Variants in PTPRK observed in about 807,000 individuals in gnomAD.
PTPRK encodes the protein protein tyrosine phosphatase receptor type K.
A neutral mutation model predicts 178.0 loss-of-function variants in PTPRK; 75 were observed. That is an observed-to-expected ratio of 0.42 (90% CI 0.35 to 0.51). The LOEUF (loss-of-function observed/expected upper bound fraction) is 0.51, where lower values mean the gene tolerates loss of function less well. PTPRK is among the 20% of genes least tolerant of loss of function. PTPRK has a pLI of 0.02. For missense variants in PTPRK, 1,441 were observed against 1,797.8 expected, an observed-to-expected ratio of 0.80 and a Z score of 3.59; for synonymous variants, 637 against 620.6, an observed-to-expected ratio of 1.03 and a Z score of -0.39.
chr6:128,129,164 A>G (rs1029417502), intron 7 of PTPRK, among the ~76,000 whole-genome samples: 13 of 152,152 alleles, frequency 8.5e-5, no homozygotes, highest in African/African-American at 3.1e-4. Flanking sequence ...TTGGCTTGTA[A>G]TTCTGACTAC....
At chr6:128,048,467 T>C (rs921501539) in intron 13 of PTPRK, among the ~76,000 whole-genome samples, 1 of 152,234 alleles carries the variant, frequency 6.6e-6, no homozygotes, top group Admixed American at 6.5e-5. Flanking sequence ...ACATGGGTGA[T>C]GCCCTCATTC....
At chr6:128,324,985 A>C (rs1481294474) in intron 2 of PTPRK, among the ~76,000 whole-genome samples, 2 of 152,208 alleles carry the variant, frequency 1.3e-5, no homozygotes, top group African/African-American at 4.8e-5. Context: ...GTTATAATTT[A>C]AGCTTATTTA....
At chr6:128,455,519 G>C (rs766636392) in intron 1 of PTPRK, among the ~76,000 whole-genome samples, 1 of 152,080 alleles carries the variant, frequency 6.6e-6, no homozygotes, top group Non-Finnish European at 1.5e-5. Context: ...CTTCAGAAAT[G>C]ATCTATCAAT....
intron 1 of PTPRK, among the ~76,000 whole-genome samples, chr6:128,462,967 G>A (rs1849273514): frequency 6.6e-6 from 1 of 151,946 alleles, no homozygotes; most frequent in African/African-American, 2.4e-5. Context: ...TCAAAAATAG[G>A]TAAATTTTAA....
chr6:128,376,518 G>A (rs1837095197), intron 2 of PTPRK, among the ~76,000 whole-genome samples: 1 of 152,118 alleles, frequency 6.6e-6, no homozygotes, highest in South Asian at 2.1e-4. Flanking sequence ...AGCCTGTGAT[G>A]GGAGGGGCTG....
At position 128,478,654 on chromosome 6, in the gene PTPRK, C is replaced by T. The variant is rs562137988; in HGVS notation, c.100+41605G>A. Among the ~76,000 whole-genome samples the T allele has an allele frequency of 4.6e-5, 7 of 152,102 alleles. No homozygotes were observed. In the East Asian group the frequency reaches 7.7e-4, roughly 17 times the overall value. ...TGTTTTTTAGCAAAAGTAAAGATGACGATGCCTTGGGTGTTTGCTATTCAG... is the reference window on the plus strand; with the variant it reads ...TGTTTTTTAGCAAAAGTAAAGATGATGATGCCTTGGGTGTTTGCTATTCAG... On this transcript the variant is annotated intron_variant, in intron 1 of 29. Coordinates refer to ENST00000368226, the MANE Select transcript of PTPRK (RefSeq NM_002844.4).
At chr6:128,011,487 C>T (rs1779047697) in intron 13 of PTPRK, among the ~76,000 whole-genome samples, 1 of 151,016 alleles carries the variant, frequency 6.6e-6, no homozygotes, top group Non-Finnish European at 1.5e-5. Context: ...TTATGAGTCG[C>T]ATATGCTACA....
In PTPRK at chr6:128,005,125, A is replaced by G. The variant is rs776256048; in HGVS notation, c.2453T>C (p.Leu818Pro). 7.6e-5 allele frequency: 123 copies of G among 1,610,678 alleles called. No individual in the cohort carries two copies. Among genetic ancestry groups the G allele is most frequent in the Non-Finnish European group, 1.0e-4 (120 of 1,178,030 alleles). ...ATGTTGGTCCATGAAGGTGATGGAAAGAGGATCTTCTGCATGCAGAGTGCT... is the reference window on the plus strand; with the variant it reads ...ATGTTGGTCCATGAAGGTGATGGAAGGAGGATCTTCTGCATGCAGAGTGCT... ...DQSTLHAEDP[L>P]SITFMDQHNF... The change falls in exon 15 of 30, where the codon CTT becomes CCT. Residue 818 changes from leucine (L) to proline (P), a missense_variant. Around this residue, in one of 4 missense-constraint regions of PTPRK, gnomAD observed 945 missense variants for 1,080.6 expected, o/e 0.87. Transcript: ENST00000368226.
chr6:128,242,483 A>G, intron 4 of PTPRK, 38 bp downstream of exon 4: 1 of 1,598,258 alleles, frequency 6.3e-7, no homozygotes. Flanking sequence ...CAAGTGTGGA[A>G]AGGACATAGA....
chr6:128,403,491 C>G (rs1841283761), intron 1 of PTPRK, among the ~76,000 whole-genome samples: 1 of 152,090 alleles, frequency 6.6e-6, no homozygotes, highest in Admixed American at 6.6e-5. Flanking sequence ...TCAATTTCCT[C>G]CCCAGTACGA....
intron 11 of PTPRK, among the ~76,000 whole-genome samples, chr6:128,073,975 C>T (rs186394731): frequency 6.6e-6 from 1 of 152,086 alleles, no homozygotes; most frequent in East Asian, 1.9e-4. Flanking sequence ...ATGAAACAGA[C>T]TATTCTGCAG....
At chr6:128,227,514 A>C (rs897989060) in intron 5 of PTPRK, among the ~76,000 whole-genome samples, 2 of 152,368 alleles carry the variant, frequency 1.3e-5, no homozygotes, top group African/African-American at 2.4e-5. Flanking sequence ...AAAGCAACAG[A>C]AGAGGGAAAT....
At chr6:128,315,758 T>G (rs1827910653) in intron 3 of PTPRK, among the ~76,000 whole-genome samples, 1 of 152,196 alleles carries the variant, frequency 6.6e-6, no homozygotes, top group Admixed American at 6.5e-5. Context: ...AAAAATGTAT[T>G]TGTTTTCTAA....
chr6:128,111,101 A>G (rs959589817), intron 7 of PTPRK, among the ~76,000 whole-genome samples: 1 of 152,182 alleles, frequency 6.6e-6, no homozygotes, highest in African/African-American at 2.4e-5. Context: ...GTGATGTCCT[A>G]TCGGTAGGCA....
At chr6:128,357,810 T>C (rs1001094647) in intron 2 of PTPRK, among the ~76,000 whole-genome samples, 1 of 152,252 alleles carries the variant, frequency 6.6e-6, no homozygotes, top group East Asian at 1.9e-4. Flanking sequence ...TATTTATTTA[T>C]AAAATCTCTG....
At chr6:128,400,935 A>G (rs1010764536) in intron 1 of PTPRK, among the ~76,000 whole-genome samples, 3 of 152,188 alleles carry the variant, frequency 2.0e-5, no homozygotes, top group African/African-American at 7.2e-5. Flanking sequence ...AAATTTAGTT[A>G]GGCAGAGGGA....
intron 7 of PTPRK, among the ~76,000 whole-genome samples, chr6:128,108,754 C>G (rs1302537665): frequency 6.6e-6 from 1 of 152,122 alleles, no homozygotes; most frequent in Non-Finnish European, 1.5e-5. Flanking sequence ...AAATATATTT[C>G]TCACAGTTCT....
intron 1 of PTPRK, among the ~76,000 whole-genome samples, chr6:128,445,613 T>G (rs1489372428): frequency 6.6e-6 from 1 of 152,020 alleles, no homozygotes; most frequent in African/African-American, 2.4e-5. Flanking sequence ...GTATACATTT[T>G]TCTTCCTAAT....
intron 25 of PTPRK, among the ~76,000 whole-genome samples, chr6:127,977,416 A>T (rs1476800636): frequency 6.6e-6 from 1 of 152,234 alleles, no homozygotes; most frequent in African/African-American, 2.4e-5. Context: ...TCAATTTTCC[A>T]AACGTAATCA....
Sources: allele counts gnomAD v4.1 joint callset (sites outside exome capture counted in the v4.1 genomes callset), GRCh38; gene constraint gnomAD v4.1.1; regional missense constraint gnomAD v4.1.1; transcripts MANE v1.5; gene names NCBI Gene and HGNC (gene_info 2026-07-23, HGNC 2026-07-21).